The following BTNL8 variants were observed in gnomAD, a reference collection of about 807,000 sequenced individuals.
BTNL8 encodes the protein butyrophilin like 8.
A neutral mutation model predicts 36.1 loss-of-function variants in BTNL8; 22 were observed. The ratio of observed to expected loss-of-function variants is 0.61; its 90% CI spans 0.44 to 0.87. The LOEUF is 0.87. Among genes scored for constraint, BTNL8 ranks in the 40% least tolerant of loss-of-function variants. The pLI is 0.00. For synonymous variants in BTNL8, 203 were observed against 235.6 expected (o/e 0.86, Z 1.27); for missense variants, 526 against 616.9 (o/e 0.85, Z 1.56).
At chr5:180,939,990 A>C (rs1490139577) in intron 3 of BTNL8, among the ~76,000 whole-genome samples, 3 of 152,242 alleles carry the variant, frequency 2.0e-5, no homozygotes, top group Non-Finnish European at 4.4e-5. Flanking sequence ...CTGAACAACC[A>C]TTGGCTTAAT....
Position 180,947,643 on chromosome 5 carries a change from G to A in BTNL8, c.787+18G>A. On this transcript the variant is annotated intron_variant, in intron 4 of 7. Transcript: ENST00000340184. ...ATTCCAGTGTAAGCGAGAGAGAGAA[G>A]CATGGGCCGGTGCCTTATTCATGGT... 6.2e-7 allele frequency: 1 copy of A among 1,614,202 alleles called. No individual in the cohort carries two copies. Among genetic ancestry groups the A allele is most frequent in the Non-Finnish European group, 8.5e-7 (1 of 1,180,030 alleles).
At chr5:180,929,512 A>C (rs948310116) in intron 3 of BTNL8, among the ~76,000 whole-genome samples, 1 of 152,104 alleles carries the variant, frequency 6.6e-6, no homozygotes, top group African/African-American at 2.4e-5. Context: ...TCAAAACATC[A>C]ATGAATCCAG....
At chr5:180,913,765 G>C (rs903478382) in intron 3 of BTNL8, among the ~76,000 whole-genome samples, 2 of 152,160 alleles carry the variant, frequency 1.3e-5, no homozygotes, top group African/African-American at 4.8e-5. Context: ...CATGGCACAG[G>C]CCCTCAGGAT....
Position 180,949,788 on chromosome 5 carries a change from C to T in BTNL8, c.863-116C>T, listed in dbSNP as rs1204981829. On this transcript the variant is annotated intron_variant, in intron 7 of 7. Coordinates refer to ENST00000340184, the MANE Select transcript of BTNL8 (RefSeq NM_001040462.3). ...GCAGTGTCTGCGGGAGGCTCAGGTCCGGGGCCTCACCTATGCCACCCAGAG... is the reference window on the plus strand; with the variant it reads ...GCAGTGTCTGCGGGAGGCTCAGGTCTGGGGCCTCACCTATGCCACCCAGAG... 1.3e-5 allele frequency: 17 copies of T among 1,283,546 alleles called. 4 individuals are homozygous for T. Among genetic ancestry groups the T allele is most frequent in the Admixed American group, 1.1e-4 (5 of 44,010 alleles). The allele number at this position is 1,283,546 out of a possible 1,614,324, so 79.5% of individuals were successfully genotyped here.
chr5:180,942,065 C>A (rs1758996649), intron 3 of BTNL8, among the ~76,000 whole-genome samples: 1 of 151,970 alleles, frequency 6.6e-6, no homozygotes, highest in African/African-American at 2.4e-5. Context: ...ATCAAAAAAA[C>A]CTCTTAGAAC....
intron 4 of BTNL8, 184 bp downstream of exon 4, chr5:180,947,809 T>C: frequency 6.3e-7 from 1 of 1,581,164 alleles, no homozygotes; most frequent in Non-Finnish European, 8.6e-7. Context: ...AAATATCAAC[T>C]ACGACAGCCC....
At position 180,899,253 on chromosome 5, in the gene BTNL8, C is replaced by T. The variant is rs566309317; in HGVS notation, c.-58C>T. 2.7e-4 allele frequency: 423 copies of T among 1,585,228 alleles called. 6 individuals carry two copies. In the South Asian group the frequency reaches 4.5e-3, roughly 17 times the overall value. On this transcript the variant is annotated 5_prime_UTR_variant, in exon 1 of 8. Transcript: ENST00000340184. ...AGTTCTCCTCTTCTCTCTAATCCATCCGTCACCTCTCCTGTCATCCGTTTC... is the reference window on the plus strand; with the variant it reads ...AGTTCTCCTCTTCTCTCTAATCCATTCGTCACCTCTCCTGTCATCCGTTTC...
chr5:180,947,538 C>T lies in BTNL8; in HGVS notation c.700C>T (p.His234Tyr). ...GDTFFEPISW[H>Y]LATKVLGILC... ...TACCTTTTTCGAGCCTATATCGTGG[C>T]ACCTGGCTACCAAAGTACTGGGAAT... The change falls in exon 4 of 8, where the codon CAC (histidine) becomes TAC (tyrosine). Residue 234 changes from histidine (H) to tyrosine (Y), a missense_variant. By Grantham distance (83) the His-to-Tyr change is moderately conservative. Around this residue, in one of 2 missense-constraint regions of BTNL8, gnomAD observed 350 missense variants for 324.6 expected, o/e 1.08. Transcript: ENST00000340184. 3 of 1,613,882 alleles carry T rather than the reference C, an allele frequency of 1.9e-6. No individual in the cohort carries two copies. The highest frequency in any genetic ancestry group is 2.5e-6 in the Non-Finnish European group (3 of 1,179,756).
intron 2 of BTNL8, among the ~76,000 whole-genome samples, chr5:180,910,942 G>C (rs1295367012): frequency 6.6e-6 from 1 of 152,184 alleles, no homozygotes; most frequent in African/African-American, 2.4e-5. Flanking sequence ...GGAGGGGTTG[G>C]CATCTTCCTT....
intron 3 of BTNL8, among the ~76,000 whole-genome samples, chr5:180,922,369 C>T (rs1305000753): frequency 2.0e-5 from 3 of 151,962 alleles, no homozygotes; most frequent in South Asian, 2.1e-4. Flanking sequence ...TTGGTTGTGT[C>T]CCAGAGGTGC....
intron 1 of BTNL8, among the ~76,000 whole-genome samples, chr5:180,905,541 AT>A (rs1432411687): frequency 7.7e-5 from 7 of 90,972 alleles, no homozygotes; most frequent in Middle Eastern, 4.0e-3. Context: ...TTCTGCTCTG[AT>A]TTTAGTTATT....
At chr5:180,932,641 G>A (rs985429158) in intron 3 of BTNL8, among the ~76,000 whole-genome samples, 15 of 152,086 alleles carry the variant, frequency 9.9e-5, no homozygotes, top group Non-Finnish European at 1.6e-4. Flanking sequence ...GAGCCACTGC[G>A]CCTGGCCAAT....
At chr5:180,913,750 T>C (rs578196103) in intron 3 of BTNL8, among the ~76,000 whole-genome samples, 1 of 152,168 alleles carries the variant, frequency 6.6e-6, no homozygotes, top group Non-Finnish European at 1.5e-5. Context: ...CCCCTGTAAG[T>C]GAATCATGGC....
chr5:180,937,093 C>T (rs1486911503), intron 3 of BTNL8, among the ~76,000 whole-genome samples: 1 of 152,130 alleles, frequency 6.6e-6, no homozygotes, highest in Non-Finnish European at 1.5e-5. Context: ...CAGGAACAGC[C>T]CATTTGGTGT....
At chr5:180,918,169 G>A (rs1371220155) in intron 3 of BTNL8, among the ~76,000 whole-genome samples, 1 of 151,606 alleles carries the variant, frequency 6.6e-6, no homozygotes, top group East Asian at 1.9e-4. Flanking sequence ...AACCATATAA[G>A]AACACCATAA....
chr5:180,917,764 G>A (rs377004947), intron 3 of BTNL8, among the ~76,000 whole-genome samples: 6 of 89,838 alleles, frequency 6.7e-5, no homozygotes, highest in Non-Finnish European at 1.8e-4. Flanking sequence ...CGTGGTGGCG[G>A]GTGCCTGTAA....
At chr5:180,949,735 C>A in intron 7 of BTNL8, 169 bp from the exon 8 acceptor site, 1 of 837,494 alleles carries the variant, frequency 1.2e-6, no homozygotes, top group Non-Finnish European at 1.8e-6. Context: ...GTCCTCCAGG[C>A]TGCACTGGTG....
At chr5:180,941,916 T>TTTTTTTTTTTTTTTTTTTTTTTTTG (rs1172840637) in intron 3 of BTNL8, among the ~76,000 whole-genome samples, 2 of 150,636 alleles carry the variant, frequency 1.3e-5, no homozygotes, top group Admixed American at 6.6e-5. Context: ...ACTACTCTTA[T>TTTTTTTTTTTTTTTTTTTTTTTTTG]TCAACAAAGT....
chr5:180,902,225 G>C (rs919555127), intron 1 of BTNL8: 2 of 828,776 alleles, frequency 2.4e-6, no homozygotes, highest in Non-Finnish European at 1.8e-6. Flanking sequence ...AGATGGGAGA[G>C]AATGTGGCAA....
Sources: gnomAD v4.1 joint callset for allele counts (sites outside exome capture counted in the v4.1 genomes callset) on GRCh38, gnomAD v4.1.1 for gene constraint, gnomAD v4.1.1 regional missense constraint, MANE v1.5 for transcripts, NCBI Gene and HGNC (gene_info 2026-07-23, HGNC 2026-07-21) for gene names.